The following KCNH7 variants were observed in gnomAD, a reference collection of about 807,000 sequenced individuals.
The protein encoded by KCNH7 is potassium voltage-gated channel subfamily H member 7.
KCNH7 carries 49 observed loss-of-function variants against 120.8 expected under a neutral mutation model. The observed-to-expected ratio is 0.41, with a 90% CI of 0.32 to 0.51. KCNH7 has a LOEUF of 0.51. KCNH7 is among the 20% of genes least tolerant of loss of function. The pLI, the probability that KCNH7 is intolerant of heterozygous loss-of-function variation, is 0.38. For synonymous variants in KCNH7, 547 were observed against 516.1 expected, an observed-to-expected ratio of 1.06 and a Z score of -0.81; for missense variants, 1,097 against 1,446.6, an observed-to-expected ratio of 0.76 and a Z score of 3.92.
intron 9 of KCNH7, 36 bp from the exon 10 acceptor site, chr2:162,400,477 G>A (rs757925463): frequency 4.4e-6 from 7 of 1,603,822 alleles, no homozygotes; most frequent in Middle Eastern, 1.7e-4. Context: ...TACTACCAGT[G>A]TTCTGGGTAT....
intron 2 of KCNH7, among the ~76,000 whole-genome samples, chr2:162,753,343 A>C (rs533108704): frequency 6.6e-6 from 1 of 152,142 alleles, no homozygotes; most frequent in Non-Finnish European, 1.5e-5. Flanking sequence ...GGACACATAC[A>C]CAATTTTGTC....
At chr2:162,668,871 T>C (rs1008676998) in intron 2 of KCNH7, among the ~76,000 whole-genome samples, 1 of 152,188 alleles carries the variant, frequency 6.6e-6, no homozygotes, top group Non-Finnish European at 1.5e-5. Flanking sequence ...AACTTTAAAA[T>C]GGCTGACAAA....
chr2:162,767,767 A>C (rs1206791932), intron 2 of KCNH7, among the ~76,000 whole-genome samples: 2 of 152,150 alleles, frequency 1.3e-5, no homozygotes, highest in East Asian at 3.8e-4. Flanking sequence ...TTTTAATGAA[A>C]GTATTAAAAC....
intron 2 of KCNH7, among the ~76,000 whole-genome samples, chr2:162,614,244 G>T (rs984726189): frequency 6.6e-6 from 1 of 151,868 alleles, no homozygotes; most frequent in Non-Finnish European, 1.5e-5. Flanking sequence ...CATGGATGTT[G>T]TAGCAATGCC....
chr2:162,491,910 G>A (rs931147915), intron 6 of KCNH7, among the ~76,000 whole-genome samples: 38 of 152,134 alleles, frequency 2.5e-4, no homozygotes, highest in Admixed American at 6.5e-4. Flanking sequence ...CTCGAACTCT[G>A]TCTTCTCTTC....
chr2:162,575,097 C>G (rs1693625154), intron 2 of KCNH7, among the ~76,000 whole-genome samples: 1 of 151,932 alleles, frequency 6.6e-6, no homozygotes, highest in Non-Finnish European at 1.5e-5. Flanking sequence ...AGCCCCAACC[C>G]CCTCTTCTCT....
chr2:162,506,976 A>G (rs1014043143), intron 5 of KCNH7, among the ~76,000 whole-genome samples: 3 of 151,870 alleles, frequency 2.0e-5, no homozygotes, highest in African/African-American at 7.2e-5. Flanking sequence ...AAGCCTGTTT[A>G]TTCATGAACT....
chr2:162,748,794 C>T (rs1006743687), intron 2 of KCNH7, among the ~76,000 whole-genome samples: 4 of 151,386 alleles, frequency 2.6e-5, no homozygotes, highest in African/African-American at 9.7e-5. Context: ...CAGAGCCAAA[C>T]CTAACAGACA....
At chr2:162,475,361 A>C (rs1448992632) in intron 6 of KCNH7, among the ~76,000 whole-genome samples, 1 of 152,216 alleles carries the variant, frequency 6.6e-6, no homozygotes, top group African/African-American at 2.4e-5. Flanking sequence ...TATTTCTAGA[A>C]TAATTTTGGA....
At chr2:162,768,746 TGCAGG>T (rs1300059318) in intron 2 of KCNH7, among the ~76,000 whole-genome samples, 4 of 152,032 alleles carry the variant, frequency 2.6e-5, no homozygotes, top group Admixed American at 2.6e-4. Context: ...AAAGTGTGAA[TGCAGG>T]CTGTAGTGTT....
chr2:162,823,366 T>C, intron 2 of KCNH7, among the ~76,000 whole-genome samples: 1 of 152,220 alleles, frequency 6.6e-6, no homozygotes, highest in East Asian at 1.9e-4. Flanking sequence ...ATTTCATATG[T>C]TGCCACAGAA....
At chr2:162,577,282 G>GATCTATCTATCTATCT (rs1336529166) in intron 2 of KCNH7, among the ~76,000 whole-genome samples, 1 of 121,560 alleles carries the variant, frequency 8.2e-6, no homozygotes, top group African/African-American at 3.4e-5. Flanking sequence ...TTAACAGATA[G>GATCTATCTATCTATCT]ATCTATCTGT....
chr2:162,431,218 T>A (rs1418470738), intron 8 of KCNH7, among the ~76,000 whole-genome samples: 6 of 152,066 alleles, frequency 3.9e-5, no homozygotes. Context: ...TTGGCTTCAA[T>A]TTTTCTTTTA....
chr2:162,785,558 T>G (rs1464191885), intron 2 of KCNH7, among the ~76,000 whole-genome samples: 3 of 152,188 alleles, frequency 2.0e-5, no homozygotes, highest in Non-Finnish European at 4.4e-5. Flanking sequence ...ACTGTATTTT[T>G]TTTTTGCAGT....
chr2:162,482,302 G>A (rs904966426), intron 6 of KCNH7, among the ~76,000 whole-genome samples: 2 of 152,134 alleles, frequency 1.3e-5, no homozygotes, highest in Non-Finnish European at 2.9e-5. Flanking sequence ...GTAGGACAAG[G>A]GGAGTTTAAA....
chr2:162,688,127 T>G (rs1486590165), intron 2 of KCNH7, among the ~76,000 whole-genome samples: 2 of 152,160 alleles, frequency 1.3e-5, no homozygotes, highest in Non-Finnish European at 2.9e-5. Context: ...TTTAAGACAC[T>G]CCATTTAGTC....
Position 162,689,055 on chromosome 2 carries a change from T to C in KCNH7, c.307+147482A>G, listed in dbSNP as rs542123143. Among the ~76,000 whole-genome samples the C allele has an allele frequency of 6.6e-5, 10 of 152,214 alleles. No individual in the cohort carries two copies. In the South Asian group the frequency reaches 1.9e-3, roughly 28 times the overall value. On this transcript the variant is annotated intron_variant, in intron 2 of 15. Coordinates refer to ENST00000332142, the MANE Select transcript of KCNH7 (RefSeq NM_033272.4). ...GCCCAAGTCACTTTCTGGCACATCATACATCTTCAATAAATAGTATCTATT... is the reference window on the plus strand; with the variant it reads ...GCCCAAGTCACTTTCTGGCACATCACACATCTTCAATAAATAGTATCTATT...
intron 12 of KCNH7, among the ~76,000 whole-genome samples, chr2:162,390,253 T>TACAC (rs112123580): frequency 1.2e-4 from 18 of 149,310 alleles, no homozygotes; most frequent in African/African-American, 4.2e-4. Context: ...TATATATATA[T>TACAC]ACACACACAC....
intron 6 of KCNH7, among the ~76,000 whole-genome samples, chr2:162,449,349 C>T (rs991322596): frequency 6.6e-6 from 1 of 151,782 alleles, no homozygotes; most frequent in African/African-American, 2.4e-5. Context: ...TAAATATGTT[C>T]AAAAATAAAA....
Sources: allele counts gnomAD v4.1 joint callset (sites outside exome capture counted in the v4.1 genomes callset), GRCh38; gene constraint gnomAD v4.1.1; transcripts MANE v1.5; gene names NCBI Gene and HGNC (gene_info 2026-07-23, HGNC 2026-07-21).